Variants in PARVB observed in about 807,000 individuals in gnomAD.
PARVB encodes parvin beta, also known as beta-parvin.
PARVB carries 46 observed loss-of-function variants against 47.0 expected under a neutral mutation model. The ratio of observed to expected loss-of-function variants is 0.98; its 90% CI spans 0.77 to 1.25. The LOEUF is 1.25. Ranked by LOEUF, PARVB falls within the 50% of genes most tolerant of loss-of-function variation. PARVB has a pLI of 0.00. For synonymous variants in PARVB, 196 were observed against 196.3 expected (o/e 1.00, Z 0.01); for missense variants, 473 against 471.6 (o/e 1.00, Z -0.03).
chr22:44,017,311 T>A (rs1603423141), intron 2 of PARVB, among the ~76,000 whole-genome samples: 2 of 152,164 alleles, frequency 1.3e-5, no homozygotes, highest in East Asian at 3.9e-4. Flanking sequence ...ATGCAGTGCT[T>A]TGGGTCTGAG....
At chr22:44,047,737 G>C (rs2051139001) in intron 1 of PARVB, among the ~76,000 whole-genome samples, 1 of 152,226 alleles carries the variant, frequency 6.6e-6, no homozygotes, top group Non-Finnish European at 1.5e-5. Flanking sequence ...CTAGGGGTTA[G>C]AATTCCAACA....
At chr22:44,135,246 C>G (rs896283376) in intron 6 of PARVB, among the ~76,000 whole-genome samples, 1 of 151,996 alleles carries the variant, frequency 6.6e-6, no homozygotes. Flanking sequence ...TGCCATGCCC[C>G]CCTCACTACC....
chr22:44,043,808 G>T (rs909946382), intron 1 of PARVB, among the ~76,000 whole-genome samples: 1 of 152,176 alleles, frequency 6.6e-6, no homozygotes, highest in Non-Finnish European at 1.5e-5. Context: ...GTTGGTATTC[G>T]TTGCATGTTT....
chr22:44,164,168 G>T (rs182096778), intron 12 of PARVB, among the ~76,000 whole-genome samples: 1 of 152,206 alleles, frequency 6.6e-6, no homozygotes, highest in South Asian at 2.1e-4. Context: ...TTTGAAGGAC[G>T]TGGCCTCTGC....
At chr22:44,084,265 T>C (rs2051973389) in intron 1 of PARVB, among the ~76,000 whole-genome samples, 1 of 152,240 alleles carries the variant, frequency 6.6e-6, no homozygotes, top group African/African-American at 2.4e-5. Context: ...CAGCTGGCTT[T>C]GTCCTGGGAT....
intron 1 of PARVB, among the ~76,000 whole-genome samples, chr22:44,040,754 G>A (rs1422711917): frequency 6.6e-6 from 1 of 152,128 alleles, no homozygotes. Flanking sequence ...GGTGGCTCAC[G>A]CCTGTAATCC....
intron 2 of PARVB, among the ~76,000 whole-genome samples, chr22:44,005,686 C>T (rs980538360): frequency 6.6e-6 from 1 of 152,102 alleles, no homozygotes; most frequent in Non-Finnish European, 1.5e-5. Context: ...CCCACCTTTC[C>T]ACTGCATGGC....
chr22:44,127,564 G>A (rs1015062188), intron 4 of PARVB, among the ~76,000 whole-genome samples: 3 of 152,208 alleles, frequency 2.0e-5, no homozygotes, highest in Non-Finnish European at 2.9e-5. Context: ...GTAGAGAAGA[G>A]GTCTGAGGAC....
intron 9 of PARVB, chr22:44,148,339 G>A (rs2053732070): frequency 3.9e-6 from 1 of 255,338 alleles, no homozygotes; most frequent in Non-Finnish European, 7.8e-6. Flanking sequence ...TTTCCCTCCA[G>A]ACAGAGAATG....
intron 6 of PARVB, 80 bp downstream of exon 6, chr22:44,133,089 C>A: frequency 2.2e-6 from 2 of 906,662 alleles, no homozygotes; most frequent in Non-Finnish European, 1.7e-6. Flanking sequence ...TCCTGCCCTC[C>A]CCCTCCTTTT....
At chr22:44,166,012 T>C (rs1041244103) in intron 12 of PARVB, among the ~76,000 whole-genome samples, 1 of 152,260 alleles carries the variant, frequency 6.6e-6, no homozygotes. Context: ...GGGCCCTATC[T>C]GCAGCATGGG....
chr22:44,090,104 C>T (rs1046281572), intron 1 of PARVB, among the ~76,000 whole-genome samples: 3 of 152,194 alleles, frequency 2.0e-5, no homozygotes, highest in Admixed American at 1.3e-4. Context: ...CCTTATTCCT[C>T]AGGAAATGTG....
upstream of PARVB, among the ~76,000 whole-genome samples, chr22:44,021,247 G>A (rs2050644470): frequency 6.6e-6 from 1 of 152,218 alleles, no homozygotes; most frequent in Admixed American, 6.5e-5. Context: ...CTGGGCGGGA[G>A]GCTGGACTCC....
chr22:44,031,956 T>C (rs1004808887), intron 1 of PARVB, among the ~76,000 whole-genome samples: 1 of 152,188 alleles, frequency 6.6e-6, no homozygotes, highest in Non-Finnish European at 1.5e-5. Flanking sequence ...TAGCTGTACA[T>C]GTTACACTTT....
In PARVB at chr22:44,068,857, C is replaced by T. The variant is rs900329066; in HGVS notation, c.113-25071C>T. On this transcript the variant is annotated intron_variant, in intron 1 of 12. Coordinates refer to ENST00000338758, the MANE Select transcript of PARVB (RefSeq NM_013327.5). This position sits in a 1 kb window ranked among gnomAD's most constrained non-coding sequence, Gnocchi z 4.1. ...AGGGGCCTGGGCGCGCCCTTCCTTCCTTCTTTGTGCATGGGGGTTTTCCTG... is the reference window on the plus strand; with the variant it reads ...AGGGGCCTGGGCGCGCCCTTCCTTCTTTCTTTGTGCATGGGGGTTTTCCTG... Among the ~76,000 whole-genome samples the T allele has an allele frequency of 2.6e-5, 4 of 152,196 alleles. No homozygotes were observed. The highest frequency in any genetic ancestry group is 9.7e-5 in the African/African-American group (4 of 41,448).
Position 44,163,863 on chromosome 22 carries a change from C to T in PARVB, c.951C>T (p.His317=), listed in dbSNP as rs1376316650. Residue 317 remains histidine, a synonymous_variant, in exon 12 of 13, where the codon CAC becomes CAT. Coordinates refer to ENST00000338758, the MANE Select transcript of PARVB (RefSeq NM_013327.5). ...CCACCCCCCTTCCTTGGCAGGTCCA[C>T]AATGTGTCCTTCGCCTTTGAGCTGA... ...LTPESFDQKV[H]NVSFAFELML... is the part of the protein sequence containing the mutation. 6.2e-7 allele frequency: 1 copy of T among 1,608,686 alleles called. No individual in the cohort carries two copies. The highest frequency in any genetic ancestry group is 1.3e-5 in the African/African-American group (1 of 74,836).
At chr22:44,163,708 C>T (rs1018725179) in intron 11 of PARVB, 150 bp from the exon 12 acceptor site, 6 of 580,300 alleles carry the variant, frequency 1.0e-5, no homozygotes, top group Admixed American at 3.5e-5. Context: ...TGTCTGCCCA[C>T]CCTGTGGCCC....
chr22:44,070,959 C>G (rs1389919780), intron 1 of PARVB, among the ~76,000 whole-genome samples: 2 of 152,154 alleles, frequency 1.3e-5, no homozygotes, highest in African/African-American at 4.8e-5. Flanking sequence ...TCACAGGGCC[C>G]CTGCCCTAGA....
chr22:44,161,708 G>A (rs1295302788), intron 11 of PARVB, among the ~76,000 whole-genome samples: 2 of 152,198 alleles, frequency 1.3e-5, no homozygotes, highest in African/African-American at 4.8e-5. Context: ...GTACAGGGCT[G>A]GGAGGGGAAA....
Sources: gnomAD v4.1 joint callset for allele counts (sites outside exome capture counted in the v4.1 genomes callset) on GRCh38, gnomAD v4.1.1 for gene constraint, Gnocchi (gnomAD v3.1) non-coding constraint, MANE v1.5 for transcripts, NCBI Gene and HGNC (gene_info 2026-07-23, HGNC 2026-07-21) for gene names.